The following SPINDOC variants were observed in gnomAD, a reference collection of about 807,000 sequenced individuals.
SPINDOC encodes spindlin interactor and repressor of chromatin binding.
A neutral mutation model predicts 30.7 loss-of-function variants in SPINDOC; 13 were observed. The observed-to-expected ratio is 0.42, with a 90% CI of 0.28 to 0.67. The LOEUF is 0.67. Among genes scored for constraint, SPINDOC ranks in the 30% least tolerant of loss-of-function variants. The pLI is 0.22. For missense variants in SPINDOC, 438 were observed against 518.0 expected (o/e 0.85, Z 1.50); for synonymous variants, 228 against 211.4 (o/e 1.08, Z -0.68).
At chr11:63,814,810 T>C (rs538589410) in intron 1 of SPINDOC, among the ~76,000 whole-genome samples, 11 of 152,220 alleles carry the variant, frequency 7.2e-5, no homozygotes, top group Non-Finnish European at 1.2e-4. Context: ...GATAGGTTGT[T>C]TTCCTACTTC....
chr11:63,827,538 C>T lies in SPINDOC; in HGVS notation c.*399C>T. 1 of 241,300 alleles carries T rather than the reference C, an allele frequency of 4.1e-6. No individual in the cohort carries two copies. Among genetic ancestry groups the T allele is most frequent in the Non-Finnish European group, 8.3e-6 (1 of 120,604 alleles). 14.9% of individuals were successfully genotyped at this position (241,300 alleles called of 1,614,324 possible). A position where few individuals can be genotyped will look rare whatever the true frequency, so the allele number is the denominator to read the frequency against. On this transcript the variant is annotated 3_prime_UTR_variant, in exon 6 of 6. Coordinates refer to ENST00000294244, the MANE Select transcript of SPINDOC (RefSeq NM_138471.3). ...TGAGTCCCACTACCTCGGGGGACAC[C>T]TCTCCTCCCCACTTGTTCAGGCTTC... is the stretch of plus-strand genomic sequence containing the variant.
chr11:63,825,430 A>G (rs928736667), intron 5 of SPINDOC, among the ~76,000 whole-genome samples: 6 of 151,902 alleles, frequency 3.9e-5, no homozygotes, highest in South Asian at 2.1e-4. Context: ...CTGCTATCCT[A>G]TTATCCTATC....
intron 1 of SPINDOC, among the ~76,000 whole-genome samples, chr11:63,814,487 C>T (rs1221224846): frequency 6.6e-6 from 1 of 152,168 alleles, no homozygotes; most frequent in Non-Finnish European, 1.5e-5. Flanking sequence ...AATCTCAGAA[C>T]ACTCGCTCTC....
chr11:63,813,865 G>C (rs1336200051), intron 1 of SPINDOC, 52 bp downstream of exon 1: 1 of 1,445,706 alleles, frequency 6.9e-7, no homozygotes, highest in African/African-American at 1.5e-5. Flanking sequence ...GCCGGGGCTG[G>C]GGCCGTCCCT....
intron 5 of SPINDOC, 40 bp downstream of exon 5, chr11:63,819,042 A>G: frequency 7.6e-7 from 1 of 1,321,010 alleles, no homozygotes; most frequent in Non-Finnish European, 1.0e-6. Flanking sequence ...GGGACCTCGC[A>G]GGCAGCGCTC....
At chr11:63,820,168 C>T (rs950804921) in intron 5 of SPINDOC, among the ~76,000 whole-genome samples, 11 of 151,942 alleles carry the variant, frequency 7.2e-5, no homozygotes, top group Non-Finnish European at 1.3e-4. Flanking sequence ...CAGGCTGAGG[C>T]GGGCAGATCA....
At chr11:63,817,260 C>T (rs994548389) in intron 1 of SPINDOC, among the ~76,000 whole-genome samples, 3 of 152,042 alleles carry the variant, frequency 2.0e-5, no homozygotes, top group Non-Finnish European at 2.9e-5. Flanking sequence ...GCAGGAGGAT[C>T]GCTTGAACCC....
At chr11:63,815,154 G>A (rs1307375112) in intron 1 of SPINDOC, among the ~76,000 whole-genome samples, 1 of 152,228 alleles carries the variant, frequency 6.6e-6, no homozygotes, top group Non-Finnish European at 1.5e-5. Flanking sequence ...GAGGAGGAAT[G>A]GGTATTTAAT....
chr11:63,824,751 G>A (rs1180862691), intron 5 of SPINDOC, among the ~76,000 whole-genome samples: 2 of 140,850 alleles, frequency 1.4e-5, no homozygotes, highest in African/African-American at 2.5e-5. Flanking sequence ...GCGACAGAGC[G>A]AGACTCCATC....
chr11:63,824,850 TC>T (rs2015614098), intron 5 of SPINDOC, among the ~76,000 whole-genome samples: 1 of 151,618 alleles, frequency 6.6e-6, no homozygotes, highest in Non-Finnish European at 1.5e-5. Flanking sequence ...TCCACAATCT[TC>T]CCTTTCCCAG....
chr11:63,824,239 G>A (rs750120434), intron 5 of SPINDOC, among the ~76,000 whole-genome samples: 10 of 152,080 alleles, frequency 6.6e-5, no homozygotes, highest in Non-Finnish European at 1.3e-4. Flanking sequence ...TCGTGGTTAC[G>A]GTGGGCTGAT....
chr11:63,825,469 G>C (rs955990511), intron 5 of SPINDOC, among the ~76,000 whole-genome samples: 4 of 152,076 alleles, frequency 2.6e-5, no homozygotes, highest in African/African-American at 9.7e-5. Flanking sequence ...TTGCTACTTT[G>C]CATCTGTCCA....
At chr11:63,817,157 G>A (rs893809916) in intron 1 of SPINDOC, among the ~76,000 whole-genome samples, 2 of 151,692 alleles carry the variant, frequency 1.3e-5, no homozygotes, top group Non-Finnish European at 2.9e-5. Context: ...CTCCAGCCTG[G>A]GTGACAAAAT....
At chr11:63,826,298 G>GC (rs1335207652) in intron 5 of SPINDOC, among the ~76,000 whole-genome samples, 1 of 152,152 alleles carries the variant, frequency 6.6e-6, no homozygotes. Flanking sequence ...GCTGCACGCA[G>GC]CCACGGCAGT....
At chr11:63,822,011 A>C (rs879684736) in intron 5 of SPINDOC, among the ~76,000 whole-genome samples, 4 of 152,164 alleles carry the variant, frequency 2.6e-5, no homozygotes, top group African/African-American at 4.8e-5. Context: ...GGCCTCCCAA[A>C]GTTCTGGGAT....
At position 63,818,266 on chromosome 11, in the gene SPINDOC, A is replaced by G. The variant is rs764887439; in HGVS notation, c.508A>G (p.Arg170Gly). 3 of 1,613,960 alleles carry G rather than the reference A, an allele frequency of 1.9e-6. No individual in the cohort carries two copies. Among genetic ancestry groups the G allele is most frequent in the Admixed American group, 3.3e-5 (2 of 60,006 alleles). The change falls in exon 3 of 6, where the codon AGA becomes GGA. Residue 170 changes from arginine to glycine, a missense_variant. Physicochemically the swap from Arg to Gly is moderately radical, Grantham distance 125. This residue lies in a region of SPINDOC where 300 missense variants were observed against 332.8 expected (regional missense o/e 0.90). Transcript: ENST00000294244. The surrounding 1 kb of genome is among the most constrained non-coding windows in gnomAD (Gnocchi z 5.3). ...PDPDANPDAA[R>G]MPAEIVVLLD... ...CCCAGACGCCAACCCAGACGCTGCCAGAATGCCAGCCGAAATCGTCGTTCT... is the reference window on the plus strand; with the variant it reads ...CCCAGACGCCAACCCAGACGCTGCCGGAATGCCAGCCGAAATCGTCGTTCT...
At chr11:63,816,155 T>A (rs978007559) in intron 1 of SPINDOC, among the ~76,000 whole-genome samples, 1 of 151,672 alleles carries the variant, frequency 6.6e-6, no homozygotes, top group Non-Finnish European at 1.5e-5. Flanking sequence ...GTGTTGGAGG[T>A]GATGCATAAG....
Position 63,813,801 on chromosome 11 carries a change from C to A in SPINDOC, c.115C>A (p.Pro39Thr), listed in dbSNP as rs1207139304. The change falls in exon 1 of 6, where the codon CCG becomes ACG. Residue 39 changes from proline to threonine, a missense_variant. Transcript: ENST00000294244. ...MVVAVIPRPE[P>T]MLRVTQQEKT... ...GGTGGCCGTAATTCCGCGGCCCGAG[C>A]CGATGCTCAGAGGTGAGGATGGAGG... The A allele has an allele frequency of 6.3e-7, 1 of 1,577,136 alleles. No homozygotes were observed. The highest frequency in any genetic ancestry group is 2.5e-5 in the East Asian group (1 of 40,386).
chr11:63,818,573 A>G lies in SPINDOC; in HGVS notation c.654A>G (p.Arg218=), dbSNP rs146267481. 8 of 1,613,454 alleles carry G rather than the reference A, an allele frequency of 5.0e-6. No homozygotes were observed. In the African/African-American group the frequency reaches 9.3e-5, roughly 19 times the overall value. Residue 218 remains arginine (R), a synonymous_variant, in exon 4 of 6, where the codon AGA becomes AGG. Transcript: ENST00000294244. This position sits in a 1 kb window ranked among gnomAD's most constrained non-coding sequence, Gnocchi z 5.3. The part of the protein sequence containing the change: ...EPGNKKPRGQ[R]WKEPPGEEPV... ...GAAATAAGAAGCCCCGTGGTCAGAGATGGAAGGAACCCCCAGGGGAAGAGC... is the reference window on the plus strand; with the variant it reads ...GAAATAAGAAGCCCCGTGGTCAGAGGTGGAAGGAACCCCCAGGGGAAGAGC...
Sources: gnomAD v4.1 joint callset for allele counts (sites outside exome capture counted in the v4.1 genomes callset) on GRCh38, gnomAD v4.1.1 for gene constraint, gnomAD v4.1.1 regional missense constraint, Gnocchi (gnomAD v3.1) non-coding constraint, MANE v1.5 for transcripts, NCBI Gene and HGNC (gene_info 2026-07-23, HGNC 2026-07-21) for gene names.